Variants in HDAC6 observed in about 807,000 individuals in gnomAD.
HDAC6 encodes the protein protein deacetylase HDAC6.
Under a neutral mutation model 88.9 loss-of-function variants are expected in HDAC6, and 5 were observed. The ratio of observed to expected loss-of-function variants is 0.06; its 90% CI spans 0.03 to 0.12. The LOEUF is 0.12. Ranked by LOEUF, HDAC6 falls within the 10% of genes least tolerant of loss-of-function variation. The pLI, the probability that HDAC6 is intolerant of heterozygous loss-of-function variation, is 1.00. For synonymous variants in HDAC6, 378 were observed against 398.0 expected (o/e 0.95, Z 0.60); for missense variants, 706 against 1,014.4 (o/e 0.70, Z 4.13).
At position 48,824,171 on chromosome X, in the gene HDAC6, C is replaced by T; in HGVS notation, c.3456C>T (p.Tyr1152=). 8.3e-7 allele frequency: 1 copy of T among 1,210,334 alleles called. No individual in the cohort carries two copies. Among genetic ancestry groups the T allele is most frequent in the Non-Finnish European group, 1.1e-6 (1 of 894,767 alleles). Residue 1152 remains tyrosine (Y), a synonymous_variant, in exon 28 of 29, where the codon TAC becomes TAT. Transcript: ENST00000334136. ...NWVCLSCYQV[Y]CGRYINGHML... ...ACTCACACCCCCAACCTCAGGTCTACTGTGGTCGTTACATCAATGGCCACA... is the reference window on the plus strand; with the variant it reads ...ACTCACACCCCCAACCTCAGGTCTATTGTGGTCGTTACATCAATGGCCACA...
In HDAC6 at chrX:48,802,107, T is replaced by C; in HGVS notation, c.-66T>C. On this transcript the variant is annotated 5_prime_UTR_variant, in exon 1 of 29. Transcript: ENST00000334136. ...GCAGTCCCCTGAGGAGCGGGGCTGG[T>C]TGAAACGCTAGGGGCGGGATCTGGC... 1.1e-6 allele frequency: 1 copy of C among 886,519 alleles called. No homozygotes were observed. The highest frequency in any genetic ancestry group is 1.4e-6 in the Non-Finnish European group (1 of 716,144). The allele number at this position is 886,519 out of a possible 1,213,427, so 73.1% of individuals were successfully genotyped here. A position where few individuals can be genotyped will look rare whatever the true frequency, so the allele number is the denominator to read the frequency against.
intron 10 of HDAC6, among the ~76,000 whole-genome samples, chrX:48,811,693 A>T (rs981113104): frequency 1.8e-5 from 2 of 112,056 alleles, no homozygotes; most frequent in Non-Finnish European, 1.9e-5. Context: ...TCCAAAGTGT[A>T]TCTGTTGTAC....
chrX:48,801,898 G>C, upstream of HDAC6: 1 of 972,359 alleles, frequency 1.0e-6, no homozygotes, highest in Non-Finnish European at 1.3e-6. Flanking sequence ...GGTGGAGCGA[G>C]CCAAGGGCGG....
rs782413222 is a variant in HDAC6, at chrX:48,823,711, C to T, written c.3229C>T (p.Leu1077=). Residue 1077 remains leucine, a synonymous_variant, in exon 26 of 29, where the codon CTA becomes TTA. Coordinates refer to ENST00000334136, the MANE Select transcript of HDAC6 (RefSeq NM_006044.4). ...TCAGGCCCCAGGAGAGGAGAACCTA[C>T]TAGGAGAGGCAGCTGGAGGTCAGGA... ...ESQAPGEENL[L]GEAAGGQDMA... The T allele has an allele frequency of 8.3e-7, 1 of 1,209,977 alleles. No individual in the cohort carries two copies. Among genetic ancestry groups the T allele is most frequent in the Non-Finnish European group, 1.1e-6 (1 of 894,382 alleles).
chrX:48,823,033 C>A lies in HDAC6; in HGVS notation c.2634C>A (p.Gly878=), dbSNP rs1557030584. 1.7e-6 allele frequency: 2 copies of A among 1,211,609 alleles called. No individual in the cohort carries two copies. The highest frequency in any genetic ancestry group is 4.3e-5 in the Admixed American group (2 of 46,015). Residue 878 remains glycine (G), a synonymous_variant, in exon 25 of 29, where the codon GGC becomes GGA. Transcript: ENST00000334136. ...GAGAAAAGAAGGTTCTGGAAGCAGG[C>A]ATGGGGAAAGTCACCTCGGCATCAT... ...TTREKKVLEA[G]MGKVTSASFG... is the part of the protein sequence containing the mutation.
In HDAC6 at chrX:48,822,908, C is replaced by T; in HGVS notation, c.2513-4C>T. 8.5e-7 allele frequency: 1 copy of T among 1,173,907 alleles called. No homozygotes were observed. The highest frequency in any genetic ancestry group is 1.1e-6 in the Non-Finnish European group (1 of 874,985). ...CACTCAAGGATCTCCCTCCCTGGTT[C>T]CAGAGGTAGAAGACAGAGAAGGACC... is the stretch of plus-strand genomic sequence containing the variant. On this transcript the variant is annotated splice_polypyrimidine_tract_variant and splice_region_variant and intron_variant, in intron 24 of 28. Coordinates refer to ENST00000334136, the MANE Select transcript of HDAC6 (RefSeq NM_006044.4).
intron 22 of HDAC6, chrX:48,819,580 G>A (rs2063046855): frequency 8.6e-6 from 1 of 116,029 alleles, no homozygotes; most frequent in African/African-American, 3.9e-5. Flanking sequence ...GTCTTGCTCT[G>A]TCACCCAGGC....
At chrX:48,804,044 T>G (rs1266092649) in intron 4 of HDAC6, among the ~76,000 whole-genome samples, 2 of 111,661 alleles carry the variant, frequency 1.8e-5, no homozygotes, top group East Asian at 2.8e-4. Context: ...ACACCTGTAA[T>G]CCTAGCTACT....
intron 1 of HDAC6, 97 bp from the exon 2 acceptor site, chrX:48,802,566 C>G (rs1164590376): frequency 1.8e-6 from 2 of 1,141,305 alleles, no homozygotes; most frequent in African/African-American, 1.8e-5. Context: ...GGAATGGAAT[C>G]TAATAGAGGG....
chrX:48,807,687 T>C, intron 8 of HDAC6, among the ~76,000 whole-genome samples: 1 of 111,634 alleles, frequency 9.0e-6, no homozygotes, highest in Middle Eastern at 4.2e-3. Context: ...TAATTTTTTG[T>C]ATTTTTAGTA....
intron 22 of HDAC6, among the ~76,000 whole-genome samples, chrX:48,819,232 C>T (rs1418452794): frequency 8.9e-6 from 1 of 111,927 alleles, no homozygotes; most frequent in Non-Finnish European, 1.9e-5. Context: ...GGGTTATTGT[C>T]CTCTTTGAGA....
chrX:48,807,830 A>G (rs2062841913), intron 8 of HDAC6, among the ~76,000 whole-genome samples: 1 of 111,599 alleles, frequency 9.0e-6, no homozygotes, highest in Non-Finnish European at 1.9e-5. Context: ...TTTAGTGAAC[A>G]TTTTCAAATC....
chrX:48,806,728 C>T, intron 8 of HDAC6, 22 bp downstream of exon 8: 2 of 1,016,040 alleles, frequency 2.0e-6, no homozygotes, highest in African/African-American at 1.9e-5. Context: ...CAGCATTTGA[C>T]TTTTTACATT....
intron 8 of HDAC6, among the ~76,000 whole-genome samples, chrX:48,807,447 G>C (rs992830199): frequency 1.8e-5 from 2 of 112,956 alleles, no homozygotes; most frequent in Non-Finnish European, 3.7e-5. Context: ...ACAGGTTGTG[G>C]GCTAAGTTCC....
At chrX:48,807,103 G>T in intron 8 of HDAC6, 1 of 122,650 alleles carries the variant, frequency 8.2e-6, no homozygotes, top group South Asian at 3.0e-4. Flanking sequence ...ATCATCATTG[G>T]CATCCCAGAA....
At chrX:48,803,312 T>C (rs1416051846) in intron 4 of HDAC6, 96 bp downstream of exon 4, 23 of 665,818 alleles carry the variant, frequency 3.5e-5, no homozygotes, top group Non-Finnish European at 5.2e-5. Flanking sequence ...CCAGCCTGGA[T>C]ACTGGAAGCA....
intron 28 of HDAC6, 112 bp from the exon 29 acceptor site, chrX:48,824,432 T>G: frequency 2.8e-6 from 3 of 1,073,666 alleles, no homozygotes; most frequent in Non-Finnish European, 3.8e-6. Context: ...GCGGGGGCTG[T>G]GGGATAGTCC....
In HDAC6 at chrX:48,816,612, G is replaced by A. The variant is rs782796954; in HGVS notation, c.1770G>A (p.Val590=). 3.0e-5 allele frequency: 36 copies of A among 1,209,038 alleles called. No individual in the cohort carries two copies. Among genetic ancestry groups the A allele is most frequent in the Non-Finnish European group, 3.7e-5 (33 of 894,759 alleles). The change falls in exon 19 of 29, where the codon GTG becomes GTA. Residue 590 remains valine (V), a synonymous_variant. Coordinates refer to ENST00000334136, the MANE Select transcript of HDAC6 (RefSeq NM_006044.4). ...CCACTGGCGCTGCCTGCCGCCTGGT[G>A]GAGGCTGTGCTCTCAGGAGAGGTGT... ...QLATGAACRL[V]EAVLSGEVLN... is the part of the protein sequence containing the mutation.
In HDAC6 at chrX:48,804,246, T is replaced by C. The variant is rs1369519147; in HGVS notation, c.311+1030T>C. On this transcript the variant is annotated intron_variant, in intron 4 of 28. Coordinates refer to ENST00000334136, the MANE Select transcript of HDAC6 (RefSeq NM_006044.4). ...AAAGTCCAAATTTTTCATCCTGGCC[T>C]CAAAGGTTCCACATGATCTGGCTCC... is the stretch of plus-strand genomic sequence containing the variant. Among the ~76,000 whole-genome samples, 7 of 111,869 alleles carry C rather than the reference T, an allele frequency of 6.3e-5. No individual in the cohort carries two copies. The East Asian group carries it at 2.0e-3, about 31-fold the overall frequency.
Sources: allele counts gnomAD v4.1 joint callset (sites outside exome capture counted in the v4.1 genomes callset), GRCh38; gene constraint gnomAD v4.1.1; transcripts MANE v1.5; gene names NCBI Gene and HGNC (gene_info 2026-07-23, HGNC 2026-07-21).